The following PPARGC1A variants were observed in gnomAD, a reference collection of about 807,000 sequenced individuals.
PPARGC1A encodes PPARG coactivator 1 alpha, also known as peroxisome proliferator-activated receptor gamma coactivator 1-alpha.
PPARGC1A carries 25 observed loss-of-function variants against 88.7 expected under a neutral mutation model. The observed-to-expected ratio is 0.28, with a 90% CI of 0.21 to 0.39. PPARGC1A has a LOEUF of 0.39. PPARGC1A is among the 10% of genes least tolerant of loss of function. PPARGC1A has a pLI of 1.00. For missense variants in PPARGC1A, 880 were observed against 968.7 expected, an observed-to-expected ratio of 0.91 and a Z score of 1.22; for synonymous variants, 363 against 355.6, an observed-to-expected ratio of 1.02 and a Z score of -0.24.
At chr4:23,906,563 TGCTACGCAC>T (rs1720061768), upstream of PPARGC1A, among the ~76,000 whole-genome samples, 2 of 136,120 alleles carry the variant, frequency 1.5e-5, no homozygotes, top group Admixed American at 1.6e-4. Context: ...GCCTTGACGG[TGCTACGCAC>T]TCCAGCCTGG....
At chr4:24,262,975 T>G in the PPARGC1A span, among the ~76,000 whole-genome samples, 1 of 152,192 alleles carries the variant, frequency 6.6e-6, no homozygotes, top group Non-Finnish European at 1.5e-5. Context: ...TACACTGGAA[T>G]AGCTGAGATT....
the PPARGC1A span, among the ~76,000 whole-genome samples, chr4:23,922,940 C>T: frequency 3.9e-5 from 6 of 152,186 alleles, no homozygotes; most frequent in African/African-American, 7.2e-5. Context: ...GGAAGTTGGC[C>T]GAAACTGAAG....
At chr4:23,928,446 A>G in the PPARGC1A span, among the ~76,000 whole-genome samples, 1 of 152,196 alleles carries the variant, frequency 6.6e-6, no homozygotes, top group Non-Finnish European at 1.5e-5. Flanking sequence ...AAGTCAGGGA[A>G]TAACAGATGC....
chr4:24,242,049 T>A, the PPARGC1A span, among the ~76,000 whole-genome samples: 997 of 152,310 alleles, frequency 6.5e-3, 3 homozygotes, highest in Non-Finnish European at 9.9e-3. Flanking sequence ...TTCTATTGAT[T>A]CTCTCCTGCT....
the PPARGC1A span, among the ~76,000 whole-genome samples, chr4:24,065,269 A>G: frequency 6.6e-6 from 1 of 151,786 alleles, no homozygotes; most frequent in Non-Finnish European, 1.5e-5. Flanking sequence ...GCCAGCATCT[A>G]GGTGAGTCCA....
At chr4:24,213,292 T>G in the PPARGC1A span, among the ~76,000 whole-genome samples, 3 of 151,446 alleles carry the variant, frequency 2.0e-5, no homozygotes, top group Non-Finnish European at 4.4e-5. Flanking sequence ...TCAGCCTCCC[T>G]GGTAGCTGGG....
the PPARGC1A span, among the ~76,000 whole-genome samples, chr4:24,194,394 C>G: frequency 1.3e-5 from 2 of 152,088 alleles, no homozygotes; most frequent in African/African-American, 4.8e-5. Flanking sequence ...TTTCTATACA[C>G]CAACTCCACT....
At chr4:23,887,341 G>C (rs1397346654) in intron 1 of PPARGC1A, among the ~76,000 whole-genome samples, 6 of 152,192 alleles carry the variant, frequency 3.9e-5, no homozygotes, top group Non-Finnish European at 8.8e-5. Context: ...ATTAGTGGTA[G>C]CAAGTGTTCC....
chr4:24,132,014 C>T, the PPARGC1A span, among the ~76,000 whole-genome samples: 6 of 152,218 alleles, frequency 3.9e-5, no homozygotes, highest in Admixed American at 1.3e-4. Context: ...AGGCTTTGTG[C>T]CAATTCACAC....
intron 7 of PPARGC1A, among the ~76,000 whole-genome samples, chr4:23,821,761 G>A (rs946727300): frequency 1.1e-4 from 16 of 151,776 alleles, no homozygotes; most frequent in African/African-American, 3.9e-4. Flanking sequence ...TTCATATCAT[G>A]CATAAGAATC....
chr4:24,041,660 T>C, the PPARGC1A span, among the ~76,000 whole-genome samples: 1 of 152,130 alleles, frequency 6.6e-6, no homozygotes, highest in Non-Finnish European at 1.5e-5. Context: ...AAAGAGTATA[T>C]AGAGATCATT....
intron 1 of PPARGC1A, among the ~76,000 whole-genome samples, chr4:23,899,071 A>G (rs955562143): frequency 2.5e-4 from 13 of 52,140 alleles, no homozygotes; most frequent in African/African-American, 2.3e-3. Context: ...CGAACTCCAG[A>G]CCTGATGATC....
the PPARGC1A span, among the ~76,000 whole-genome samples, chr4:24,361,213 G>A: frequency 6.6e-6 from 1 of 152,140 alleles, no homozygotes; most frequent in African/African-American, 2.4e-5. Flanking sequence ...AGGTTTAGTA[G>A]GAGACAGATC....
chr4:24,172,417 C>A, the PPARGC1A span, among the ~76,000 whole-genome samples: 1 of 152,188 alleles, frequency 6.6e-6, no homozygotes, highest in Non-Finnish European at 1.5e-5. Context: ...AGGTGGGGAA[C>A]ACACAGATGC....
the PPARGC1A span, among the ~76,000 whole-genome samples, chr4:24,208,882 C>T: frequency 2.6e-5 from 4 of 152,062 alleles, no homozygotes; most frequent in East Asian, 7.7e-4. Context: ...CTTCTTTATG[C>T]TTTATCAGCA....
At chr4:24,119,447 G>A in the PPARGC1A span, among the ~76,000 whole-genome samples, 2 of 152,172 alleles carry the variant, frequency 1.3e-5, no homozygotes, top group Middle Eastern at 3.4e-3. Flanking sequence ...AAGATAAGGG[G>A]GCTTCTCTGT....
At chr4:24,363,766 A>C in the PPARGC1A span, among the ~76,000 whole-genome samples, 1 of 152,214 alleles carries the variant, frequency 6.6e-6, no homozygotes, top group African/African-American at 2.4e-5. Flanking sequence ...CATCAGGAAC[A>C]CACCATATGT....
the PPARGC1A span, among the ~76,000 whole-genome samples, chr4:24,365,315 T>A: frequency 6.6e-6 from 1 of 152,206 alleles, no homozygotes; most frequent in Admixed American, 6.5e-5. Context: ...TCTAAAAAGT[T>A]AACATCCAAA....
chr4:24,043,245 C>A, the PPARGC1A span, among the ~76,000 whole-genome samples: 1 of 152,152 alleles, frequency 6.6e-6, no homozygotes, highest in Non-Finnish European at 1.5e-5. Flanking sequence ...TGTCCCCTAT[C>A]CCGACGCCAT....
Sources: allele counts gnomAD v4.1 joint callset (sites outside exome capture counted in the v4.1 genomes callset), GRCh38; gene constraint gnomAD v4.1.1; transcripts MANE v1.5; gene names NCBI Gene and HGNC (gene_info 2026-07-23, HGNC 2026-07-21).